The following APBB2 variants were observed in gnomAD, a reference collection of about 807,000 sequenced individuals.
APBB2 encodes the protein Fe65-like 1.
In APBB2, 38 loss-of-function variants were observed where a neutral mutation model predicts 82.5. The ratio of observed to expected loss-of-function variants is 0.46; its 90% CI spans 0.36 to 0.60. APBB2 has a LOEUF of 0.60. Ranked by LOEUF, APBB2 falls within the 20% of genes least tolerant of loss-of-function variation. The pLI is 0.00. For missense variants in APBB2, 772 were observed against 972.3 expected (o/e 0.79, Z 2.74); for synonymous variants, 341 against 368.2 (o/e 0.93, Z 0.85).
intron 3 of APBB2, among the ~76,000 whole-genome samples, chr4:41,073,791 G>GAA (rs149131667): frequency 3.3e-5 from 5 of 152,004 alleles, no homozygotes; most frequent in African/African-American, 1.2e-4. Context: ...AACAACAAAA[G>GAA]AAAAAAACAG....
intron 6 of APBB2, among the ~76,000 whole-genome samples, chr4:40,992,331 TTTTA>T (rs1802343955): frequency 7.2e-6 from 1 of 138,806 alleles, no homozygotes; most frequent in African/African-American, 2.6e-5. Context: ...ACTTAGCTAA[TTTTA>T]TTTATTTATT....
At chr4:40,975,122 G>A (rs1441052915) in intron 6 of APBB2, among the ~76,000 whole-genome samples, 1 of 152,078 alleles carries the variant, frequency 6.6e-6, no homozygotes, top group African/African-American at 2.4e-5. Context: ...TAATACCAGA[G>A]GGCTTGGTTC....
At chr4:40,995,454 T>C (rs949102616) in intron 6 of APBB2, among the ~76,000 whole-genome samples, 1 of 151,928 alleles carries the variant, frequency 6.6e-6, no homozygotes, top group Non-Finnish European at 1.5e-5. Flanking sequence ...TAGTTTCAAA[T>C]GCCAGGGTCA....
chr4:40,890,276 C>A lies in APBB2; in HGVS notation c.1529+88G>T, dbSNP rs1038630761. Reference sequence around the variant, plus strand: ...TAGAAGCTACATGAGTTTCGTATTCCGTGAAATGCTGCGAGCCCATGCTTT... The same window carrying A: ...TAGAAGCTACATGAGTTTCGTATTCAGTGAAATGCTGCGAGCCCATGCTTT... On this transcript the variant is annotated intron_variant, in intron 12 of 17. Transcript: ENST00000508593. 5.4e-6 allele frequency: 8 copies of A among 1,489,184 alleles called. 1 individual carries two copies. The African/African-American group carries it at 9.9e-5, about 18-fold the overall frequency. 92.2% of individuals were successfully genotyped at this position (1,489,184 alleles called of 1,614,324 possible).
intron 1 of APBB2, among the ~76,000 whole-genome samples, chr4:41,171,883 G>A (rs1400276407): frequency 1.3e-5 from 2 of 152,158 alleles, no homozygotes; most frequent in Admixed American, 6.5e-5. Context: ...AATCACCTGA[G>A]GTCAGGAGTT....
At chr4:41,100,174 G>T (rs1458814035) in intron 3 of APBB2, among the ~76,000 whole-genome samples, 2 of 152,162 alleles carry the variant, frequency 1.3e-5, no homozygotes, top group East Asian at 1.9e-4. Flanking sequence ...TATTGGACAA[G>T]CAATTCCACA....
At chr4:41,181,942 C>CAAAAAAAAAAA (rs35142945) in intron 1 of APBB2, among the ~76,000 whole-genome samples, 1 of 93,882 alleles carries the variant, frequency 1.1e-5, no homozygotes. Context: ...GAAACTGTCT[C>CAAAAAAAAAAA]AAAAAAAAAA....
chr4:41,031,848 ATTTAT>A (rs1400081962), intron 5 of APBB2, among the ~76,000 whole-genome samples: 1 of 152,200 alleles, frequency 6.6e-6, no homozygotes, highest in Non-Finnish European at 1.5e-5. Context: ...GAACATACGT[ATTTAT>A]TTTGATTTTT....
intron 2 of APBB2, among the ~76,000 whole-genome samples, chr4:41,131,328 T>G (rs1245090632): frequency 6.6e-6 from 1 of 152,192 alleles, no homozygotes; most frequent in Non-Finnish European, 1.5e-5. Flanking sequence ...CCTGAATTTT[T>G]AAATTATCAG....
At chr4:41,003,292 T>C (rs1805741610) in intron 6 of APBB2, among the ~76,000 whole-genome samples, 1 of 152,184 alleles carries the variant, frequency 6.6e-6, no homozygotes, top group African/African-American at 2.4e-5. Context: ...CCACTCAAAG[T>C]CTCACAAGAC....
At chr4:40,822,704 T>G (rs1016038555) in intron 16 of APBB2, among the ~76,000 whole-genome samples, 1 of 152,174 alleles carries the variant, frequency 6.6e-6, no homozygotes, top group Non-Finnish European at 1.5e-5. Context: ...AATAAACACA[T>G]CCAAAATGTT....
intron 1 of APBB2, among the ~76,000 whole-genome samples, chr4:41,194,715 C>G: frequency 6.6e-6 from 1 of 152,096 alleles, no homozygotes; most frequent in African/African-American, 2.4e-5. Flanking sequence ...GTTATCCAGA[C>G]TATTAACTAT....
At chr4:41,000,176 A>C (rs1804833154) in intron 6 of APBB2, among the ~76,000 whole-genome samples, 1 of 150,998 alleles carries the variant, frequency 6.6e-6, no homozygotes, top group Admixed American at 6.6e-5. Context: ...TAGGGGGATC[A>C]CCTGAGTCCA....
chr4:40,831,949 G>A (rs543890067), intron 12 of APBB2, among the ~76,000 whole-genome samples: 12 of 150,738 alleles, frequency 8.0e-5, no homozygotes, highest in Admixed American at 2.7e-4. Context: ...TGTTAACATT[G>A]GAAGACAGCA....
rs1553930075 is a variant in APBB2 at position 40,832,013 on chromosome 4, T to TACACACACAC, written c.1530-1446_1530-1437dup. 0.053 allele frequency among the ~76,000 whole-genome samples: 7,320 copies of TACACACACAC among 138,788 alleles called. 223 individuals carry two copies. The highest frequency in any genetic ancestry group is 0.058 in the Non-Finnish European group (3,745 of 64,384). The allele number at this position is 138,788 out of a possible 152,430, so 91.1% of individuals were successfully genotyped here. ...ACACATATTTATATATTTATTTATA[T>TACACACACAC]ACACACACACACACACACACACACA... On this transcript the variant is annotated intron_variant, in intron 12 of 17. Coordinates refer to ENST00000508593, the MANE Select transcript of APBB2 (RefSeq NM_004307.2). The surrounding 1 kb of genome is among the most constrained non-coding windows in gnomAD (Gnocchi z 4.8).
At chr4:41,178,257 A>G (rs1716712793) in intron 1 of APBB2, among the ~76,000 whole-genome samples, 1 of 152,192 alleles carries the variant, frequency 6.6e-6, no homozygotes, top group African/African-American at 2.4e-5. Context: ...TCCAGACTCC[A>G]ATCCTTTGTC....
intron 12 of APBB2, among the ~76,000 whole-genome samples, chr4:40,839,321 T>C (rs1396231048): frequency 1.3e-5 from 2 of 151,992 alleles, no homozygotes; most frequent in Non-Finnish European, 2.9e-5. Context: ...TTTTGCTTTC[T>C]GGAGTGGCAC....
chr4:40,912,244 T>TTCTTAGA (rs1488731407), intron 10 of APBB2, among the ~76,000 whole-genome samples: 1 of 152,150 alleles, frequency 6.6e-6, no homozygotes, highest in Admixed American at 6.5e-5. Context: ...ATCACAATGC[T>TTCTTAGA]TCTTAGATAC....
chr4:41,061,488 C>T (rs1729812226), intron 4 of APBB2, among the ~76,000 whole-genome samples: 1 of 152,112 alleles, frequency 6.6e-6, no homozygotes, highest in East Asian at 1.9e-4. Flanking sequence ...TACTGAATAC[C>T]GCAGGCAAAT....
Sources: allele counts gnomAD v4.1 joint callset (sites outside exome capture counted in the v4.1 genomes callset), GRCh38; gene constraint gnomAD v4.1.1; non-coding constraint Gnocchi (gnomAD v3.1); transcripts MANE v1.5; gene names NCBI Gene and HGNC (gene_info 2026-07-23, HGNC 2026-07-21).